Variants in PICALM observed in about 807,000 individuals in gnomAD.
PICALM encodes phosphatidylinositol-binding clathrin assembly protein.
PICALM carries 40 observed loss-of-function variants against 80.5 expected under a neutral mutation model. The ratio of observed to expected loss-of-function variants is 0.50; its 90% CI spans 0.39 to 0.65. The LOEUF (loss-of-function observed/expected upper bound fraction) is 0.65, where lower values mean the gene tolerates loss of function less well. PICALM is among the 30% of genes least tolerant of loss of function. PICALM has a pLI of 0.00. For synonymous variants in PICALM, 288 were observed against 260.3 expected (o/e 1.11, Z -1.02); for missense variants, 676 against 778.9 (o/e 0.87, Z 1.57).
At chr11:86,066,049 G>A (rs1211701710) in intron 1 of PICALM, among the ~76,000 whole-genome samples, 1 of 152,140 alleles carries the variant, frequency 6.6e-6, no homozygotes, top group Non-Finnish European at 1.5e-5. Context: ...CATAAACTAA[G>A]CTTTCACTAT....
chr11:86,000,744 A>T lies in PICALM; in HGVS notation c.1053T>A (p.His351Gln). 2 of 1,613,120 alleles carry T rather than the reference A, an allele frequency of 1.2e-6. No individual in the cohort carries two copies. Among genetic ancestry groups the T allele is most frequent in the Non-Finnish European group, 1.7e-6 (2 of 1,179,852 alleles). Residue 351 changes from histidine to glutamine, a missense_variant, in exon 11 of 20, where the codon CAT (histidine) becomes CAA (glutamine). Transcript: ENST00000393346. Reference sequence around the variant, plus strand: ...GAGAGGCTGCAGTTGTTAAAGAGGTATGAGGTTTCTTTGCAAGTTCTTTTA... The same window carrying T: ...GAGAGGCTGCAGTTGTTAAAGAGGTTTGAGGTTTCTTTGCAAGTTCTTTTA... ...QRLKELAKKP[H>Q]TSLTTAASPV...
chr11:86,007,478 T>C (rs2095302839), intron 8 of PICALM, 64 bp downstream of exon 8: 4 of 926,428 alleles, frequency 4.3e-6, no homozygotes, highest in Non-Finnish European at 5.4e-6. Flanking sequence ...ATGTTACTTA[T>C]CTTAATACTC....
intron 13 of PICALM, among the ~76,000 whole-genome samples, chr11:85,987,260 A>G (rs1344789494): frequency 6.6e-6 from 1 of 152,212 alleles, no homozygotes; most frequent in Non-Finnish European, 1.5e-5. Flanking sequence ...AAACAAAGAG[A>G]GATTACATAA....
intron 9 of PICALM, among the ~76,000 whole-genome samples, chr11:86,002,218 C>G (rs1474063827): frequency 6.6e-6 from 1 of 152,042 alleles, no homozygotes; most frequent in Admixed American, 6.6e-5. Context: ...GAAAATCTTA[C>G]TAGAAAATTC....
chr11:86,055,686 T>C (rs1434474156), intron 1 of PICALM, among the ~76,000 whole-genome samples: 1 of 152,220 alleles, frequency 6.6e-6, no homozygotes, highest in Non-Finnish European at 1.5e-5. Flanking sequence ...TTAATACAAA[T>C]GTGTTTCTTC....
chr11:86,003,005 C>G (rs1039941355), intron 9 of PICALM, among the ~76,000 whole-genome samples: 3 of 150,996 alleles, frequency 2.0e-5, no homozygotes, highest in African/African-American at 7.4e-5. Context: ...GAGTGAGACT[C>G]TGCCTCGGGG....
At chr11:85,977,491 T>C (rs2094318593) in intron 17 of PICALM, among the ~76,000 whole-genome samples, 1 of 152,174 alleles carries the variant, frequency 6.6e-6, no homozygotes, top group Admixed American at 6.5e-5. Context: ...TGAAATTGAA[T>C]AAAGGTGAAA....
intron 12 of PICALM, among the ~76,000 whole-genome samples, chr11:85,990,730 G>A (rs2094743720): frequency 1.3e-5 from 2 of 152,168 alleles, no homozygotes; most frequent in South Asian, 4.1e-4. Context: ...AGGTGAGTGT[G>A]CTGGTCGTGG....
intron 1 of PICALM, among the ~76,000 whole-genome samples, chr11:86,061,039 C>T (rs1315621472): frequency 6.6e-6 from 1 of 152,108 alleles, no homozygotes; most frequent in Non-Finnish European, 1.5e-5. Flanking sequence ...GCAAAAGATA[C>T]ATTTGATAGC....
At chr11:86,057,466 G>C (rs1429078807) in intron 1 of PICALM, among the ~76,000 whole-genome samples, 3 of 152,150 alleles carry the variant, frequency 2.0e-5, no homozygotes, top group Non-Finnish European at 4.4e-5. Context: ...TTGAACCCAG[G>C]AGGCAGAGGT....
chr11:85,960,129 T>C (rs1182399436), intron 19 of PICALM, among the ~76,000 whole-genome samples: 4 of 152,168 alleles, frequency 2.6e-5, no homozygotes, highest in Non-Finnish European at 5.9e-5. Context: ...GAAAGAGCCA[T>C]AAAAATATTT....
chr11:85,982,589 A>G (rs630650), intron 14 of PICALM, among the ~76,000 whole-genome samples: 112,400 of 136,644 alleles, frequency 0.82, 46,592 homozygotes, highest in African/African-American at 0.93. Context: ...CACCGCGCCC[A>G]GCTAATTTTT....
chr11:86,002,295 T>C (rs2095166521), intron 9 of PICALM, among the ~76,000 whole-genome samples: 1 of 152,182 alleles, frequency 6.6e-6, no homozygotes, highest in African/African-American at 2.4e-5. Flanking sequence ...TTGGAAATTA[T>C]TTAAATTTTA....
At position 86,000,692 on chromosome 11, in the gene PICALM, T is replaced by G. The variant is rs1283782539; in HGVS notation, c.1105A>C (p.Met369Leu). The G allele has an allele frequency of 1.9e-6, 3 of 1,612,470 alleles. No homozygotes were observed. The Admixed American group carries it at 5.0e-5, about 27-fold the overall frequency. ...AATATGTCAATGGCTGGTGCAGTCATTATCCCTCCTGCTGAGGTGGATACA... is the reference window on the plus strand; with the variant it reads ...AATATGTCAATGGCTGGTGCAGTCAGTATCCCTCCTGCTGAGGTGGATACA... ...SPVSTSAGGI[M>L]TAPAIDIFST... The change falls in exon 11 of 20, where the codon ATG becomes CTG. Residue 369 changes from methionine (M) to leucine (L), a missense_variant. Met to Leu is a conservative substitution (Grantham distance 15). Around this residue, in one of 2 missense-constraint regions of PICALM, gnomAD observed 391 missense variants for 383.6 expected, o/e 1.02. Transcript: ENST00000393346.
chr11:86,051,487 C>G (rs1327446935), intron 1 of PICALM, among the ~76,000 whole-genome samples: 3 of 152,012 alleles, frequency 2.0e-5, no homozygotes, highest in Admixed American at 6.6e-5. Flanking sequence ...ATGGTGAAAC[C>G]CCATCTCTAC....
rs529576455 is a variant in PICALM, at chr11:85,971,348, T to A, written c.1944+3360A>T. On this transcript the variant is annotated intron_variant, in intron 19 of 19. Transcript: ENST00000393346. ...GAAAAGGTATTTCTGTCCCTGTTTT[T>A]TTTCATGCACAAGGAAATTCTGGCA... 2.0e-5 allele frequency among the ~76,000 whole-genome samples: 3 copies of A among 152,330 alleles called. No homozygotes were observed. In the South Asian group the frequency reaches 6.2e-4, roughly 32 times the overall value.
intron 17 of PICALM, among the ~76,000 whole-genome samples, chr11:85,980,527 GC>G: frequency 6.6e-6 from 1 of 152,174 alleles, no homozygotes; most frequent in Admixed American, 6.5e-5. Flanking sequence ...GTACTTAACT[GC>G]CACAAATAAT....
rs1331786908 is a variant in PICALM, at chr11:86,067,763, A to T, written c.130+888T>A. On this transcript the variant is annotated intron_variant, in intron 1 of 19. Coordinates refer to ENST00000393346, the MANE Select transcript of PICALM (RefSeq NM_007166.4). ...CTGAATTCAAGCCGCCAGAATTAAC[A>T]GTTCCAGGAACTGATAAGAGTATCA... 4.7e-5 allele frequency among the ~76,000 whole-genome samples: 6 copies of T among 127,450 alleles called. No homozygotes were observed. In the East Asian group the frequency reaches 1.4e-3, roughly 30 times the overall value. 83.6% of individuals were successfully genotyped at this position (127,450 alleles called of 152,430 possible). A position where few individuals can be genotyped will look rare whatever the true frequency, so the allele number is the denominator to read the frequency against.
rs1555119256 is a variant in PICALM, at chr11:86,036,957, A to AAAAAAAAAAT, written c.131-5347_131-5346insATTTTTTTTT. 1.9e-4 allele frequency among the ~76,000 whole-genome samples: 29 copies of AAAAAAAAAAT among 149,856 alleles called. No homozygotes were observed. In the East Asian group the frequency reaches 3.9e-3, roughly 20 times the overall value. On this transcript the variant is annotated intron_variant, in intron 1 of 19. Transcript: ENST00000393346. ...TCTCAACAACAACCAAAAAAAAAAA[A>AAAAAAAAAAT]TTTTTTTTGAGATGGAGTCTTGCTC... is the stretch of plus-strand genomic sequence containing the variant.
Sources: gnomAD v4.1 joint callset for allele counts (sites outside exome capture counted in the v4.1 genomes callset) on GRCh38, gnomAD v4.1.1 for gene constraint, gnomAD v4.1.1 regional missense constraint, MANE v1.5 for transcripts, NCBI Gene and HGNC (gene_info 2026-07-23, HGNC 2026-07-21) for gene names.